SLCO5A1: variants seen among roughly 807,000 people sequenced by gnomAD.
The protein encoded by SLCO5A1 is solute carrier organic anion transporter family member 5A1, also known as organic anion transporter polypeptide-related protein 4.
A neutral mutation model predicts 65.1 loss-of-function variants in SLCO5A1; 39 were observed. That is an observed-to-expected ratio of 0.60 (90% CI 0.46 to 0.78). The LOEUF is 0.78. Among genes scored for constraint, SLCO5A1 ranks in the 30% least tolerant of loss-of-function variants. SLCO5A1 has a pLI of 0.00. For missense variants in SLCO5A1, 1,029 were observed against 1,069.4 expected (o/e 0.96, Z 0.53); for synonymous variants, 438 against 415.7 (o/e 1.05, Z -0.65).
chr8:69,710,969 C>T (rs1203675357), intron 5 of SLCO5A1, among the ~76,000 whole-genome samples: 4 of 151,842 alleles, frequency 2.6e-5, no homozygotes, highest in Non-Finnish European at 5.9e-5. Context: ...CGTCTTGGGA[C>T]GAGCAGCAGG....
chr8:69,721,728 T>C (rs531489609), intron 5 of SLCO5A1, among the ~76,000 whole-genome samples: 1 of 152,324 alleles, frequency 6.6e-6, no homozygotes, highest in East Asian at 1.9e-4. Flanking sequence ...TTCTTTCAAA[T>C]CCTATTTATT....
At position 69,682,323 on chromosome 8, in the gene SLCO5A1, T is replaced by A. The variant is rs1433711825; in HGVS notation, c.1643A>T (p.His548Leu). 6.2e-7 allele frequency: 1 copy of A among 1,606,670 alleles called. No individual in the cohort carries two copies. Among genetic ancestry groups the A allele is most frequent in the Non-Finnish European group, 8.5e-7 (1 of 1,177,160 alleles). Residue 548 changes from histidine (H) to leucine (L), a missense_variant, in exon 7 of 10, where the codon CAT becomes CTT. Around this residue, in one of 3 missense-constraint regions of SLCO5A1, gnomAD observed 124 missense variants for 184.5 expected, o/e 0.67. Transcript: ENST00000260126. Reference sequence around the variant, plus strand: ...GTTGCAGCTTCCTGTCAGATTCCTATGGGGCATGGTGAGAGAAGGTCTAAG... The same window carrying A: ...GTTGCAGCTTCCTGTCAGATTCCTAAGGGGCATGGTGAGAGAAGGTCTAAG... ...YTTGPSLTMP[H>L]RNLTGSCNVN...
chr8:69,830,111 G>C (rs1275218535), intron 2 of SLCO5A1, among the ~76,000 whole-genome samples: 1 of 152,188 alleles, frequency 6.6e-6, no homozygotes, highest in Non-Finnish European at 1.5e-5. Flanking sequence ...TCTCTTGCAT[G>C]TAGTGATAAA....
At chr8:69,793,409 G>C (rs1036828064) in intron 2 of SLCO5A1, among the ~76,000 whole-genome samples, 6 of 151,786 alleles carry the variant, frequency 4.0e-5, no homozygotes, top group African/African-American at 1.2e-4. Context: ...ACTACCCAGA[G>C]ATGGCTACTT....
intron 5 of SLCO5A1, among the ~76,000 whole-genome samples, chr8:69,717,681 A>G (rs1815618081): frequency 6.6e-6 from 1 of 152,254 alleles, no homozygotes; most frequent in African/African-American, 2.4e-5. Flanking sequence ...AGATAGATCA[A>G]TTTAGGAAAT....
At chr8:69,782,166 G>A (rs1441580079) in intron 2 of SLCO5A1, among the ~76,000 whole-genome samples, 1 of 151,834 alleles carries the variant, frequency 6.6e-6, no homozygotes, top group Non-Finnish European at 1.5e-5. Context: ...AAACCACCAT[G>A]GCACATGTAT....
chr8:69,775,606 T>A (rs537472959), intron 2 of SLCO5A1, among the ~76,000 whole-genome samples: 9 of 152,284 alleles, frequency 5.9e-5, no homozygotes, highest in African/African-American at 2.2e-4. Context: ...GAACAAAAAA[T>A]TTTTCATAAA....
Position 69,729,719 on chromosome 8 carries a change from A to T in SLCO5A1, c.1423+8321T>A, listed in dbSNP as rs141582247. On this transcript the variant is annotated intron_variant, in intron 5 of 9. Transcript: ENST00000260126. The stretch of plus-strand genomic sequence containing the variant: ...GAGAGAGAGAGCGTGTGTGTGTGTG[A>T]GAGAGAGATTCGTAATATGCTGCAA... Among the ~76,000 whole-genome samples, 441 of 152,016 alleles carry T rather than the reference A, an allele frequency of 2.9e-3. 2 individuals are homozygous for T. Among genetic ancestry groups the T allele is most frequent in the African/African-American group, 9.9e-3 (412 of 41,438 alleles).
intron 6 of SLCO5A1, among the ~76,000 whole-genome samples, chr8:69,685,846 T>G (rs1454252365): frequency 6.6e-6 from 1 of 152,132 alleles, no homozygotes. Context: ...CTTTGTGAAA[T>G]CAATCACTCA....
At chr8:69,752,254 T>A (rs1180318343) in intron 4 of SLCO5A1, among the ~76,000 whole-genome samples, 2 of 151,830 alleles carry the variant, frequency 1.3e-5, no homozygotes, top group Non-Finnish European at 2.9e-5. Context: ...AGAATAAAAA[T>A]TTTAAAAATT....
chr8:69,805,125 C>G (rs1383514111), intron 2 of SLCO5A1, among the ~76,000 whole-genome samples: 2 of 151,794 alleles, frequency 1.3e-5, no homozygotes, highest in Non-Finnish European at 2.9e-5. Context: ...ACTATTCAGG[C>G]CATTCTCCAT....
chr8:69,676,724 A>G, intron 8 of SLCO5A1, 51 bp from the exon 9 acceptor site: 3 of 1,523,278 alleles, frequency 2.0e-6, no homozygotes, highest in Non-Finnish European at 2.7e-6. Flanking sequence ...GCCCCAAGAA[A>G]ATGAATGTCA....
chr8:69,778,592 T>C (rs1045835999), intron 2 of SLCO5A1, among the ~76,000 whole-genome samples: 73 of 152,208 alleles, frequency 4.8e-4, no homozygotes, highest in Admixed American at 2.0e-4. Context: ...TTTTCTCTAA[T>C]TGAATACATA....
chr8:69,691,986 C>T (rs779766206), intron 6 of SLCO5A1, among the ~76,000 whole-genome samples: 10 of 152,198 alleles, frequency 6.6e-5, no homozygotes, highest in South Asian at 2.1e-4. Context: ...CGGTGGCTCA[C>T]GCCTGTAATC....
chr8:69,790,298 T>G (rs890932702), intron 2 of SLCO5A1, among the ~76,000 whole-genome samples: 31 of 151,898 alleles, frequency 2.0e-4, no homozygotes, highest in Non-Finnish European at 3.1e-4. Flanking sequence ...TATTTCACAC[T>G]GCATGCCTGT....
chr8:69,706,196 A>G (rs978213830), intron 5 of SLCO5A1, among the ~76,000 whole-genome samples: 2 of 152,250 alleles, frequency 1.3e-5, no homozygotes, highest in African/African-American at 4.8e-5. Context: ...TGCACAAGAC[A>G]TCACTACGTT....
At chr8:69,707,779 G>C (rs545231804) in intron 5 of SLCO5A1, among the ~76,000 whole-genome samples, 1 of 152,156 alleles carries the variant, frequency 6.6e-6, no homozygotes, top group Non-Finnish European at 1.5e-5. Flanking sequence ...AATTAGATAA[G>C]GACAGGGAGA....
rs1813237115 is a variant in SLCO5A1 at position 69,668,244 on chromosome 8, T to C, written c.*4625A>G. On this transcript the variant is annotated 3_prime_UTR_variant, in exon 10 of 10. Coordinates refer to ENST00000260126, the MANE Select transcript of SLCO5A1 (RefSeq NM_030958.3). Reference sequence around the variant, plus strand: ...ATACAGCCAGCAGCATCCCAAAAGATGAAGAAGAGAAAAAGACAAAAAGAT... The same window carrying C: ...ATACAGCCAGCAGCATCCCAAAAGACGAAGAAGAGAAAAAGACAAAAAGAT... 1 of 152,012 alleles carries C rather than the reference T, an allele frequency of 6.6e-6. No homozygotes were observed. The highest frequency in any genetic ancestry group is 1.5e-5 in the Non-Finnish European group (1 of 68,026). The allele number at this position is 152,012 out of a possible 1,614,324, so 9.4% of individuals were successfully genotyped here.
intron 5 of SLCO5A1, among the ~76,000 whole-genome samples, chr8:69,714,109 ATCTCTT>A (rs1815401265): frequency 2.0e-5 from 3 of 152,338 alleles, no homozygotes; most frequent in African/African-American, 7.2e-5. Flanking sequence ...AGCACAGTAT[ATCTCTT>A]TCTCTTTCAT....
Sources: gnomAD v4.1 joint callset for allele counts (sites outside exome capture counted in the v4.1 genomes callset) on GRCh38, gnomAD v4.1.1 for gene constraint, gnomAD v4.1.1 regional missense constraint, MANE v1.5 for transcripts, NCBI Gene and HGNC (gene_info 2026-07-23, HGNC 2026-07-21) for gene names.